The following KCNH1 variants were observed in gnomAD, a reference collection of about 807,000 sequenced individuals.
KCNH1 encodes voltage-gated delayed rectifier potassium channel KCNH1.
KCNH1 carries 27 observed loss-of-function variants against 69.2 expected under a neutral mutation model. That is an observed-to-expected ratio of 0.39 (90% CI 0.29 to 0.54). The LOEUF (loss-of-function observed/expected upper bound fraction) is 0.54. Among genes scored for constraint, KCNH1 ranks in the 20% least tolerant of loss-of-function variants. KCNH1 has a pLI of 0.68. For synonymous variants in KCNH1, 456 were observed against 487.7 expected (o/e 0.93, Z 0.86); for missense variants, 798 against 1,261.6 (o/e 0.63, Z 5.57).
chr1:210,766,788 C>T (rs1341544122), intron 10 of KCNH1, among the ~76,000 whole-genome samples: 1 of 152,212 alleles, frequency 6.6e-6, no homozygotes, highest in Non-Finnish European at 1.5e-5. Context: ...CTCTGACATA[C>T]ATTATACCAG....
chr1:211,079,652 G>C (rs1360831717), intron 5 of KCNH1, among the ~76,000 whole-genome samples: 1 of 152,162 alleles, frequency 6.6e-6, no homozygotes, highest in Non-Finnish European at 1.5e-5. Context: ...GGGATGCAAG[G>C]CTGGTTCAAC....
rs188297888 is a variant in KCNH1 at position 210,888,099 on chromosome 1, A to G, written c.1462+31541T>C. 2.9e-4 allele frequency among the ~76,000 whole-genome samples: 44 copies of G among 152,298 alleles called. No homozygotes were observed. In the East Asian group the frequency reaches 8.1e-3, roughly 28 times the overall value. Reference sequence around the variant, plus strand: ...GAACTCTCCAACCCAAATCAACAGAATATACATTCTTCTCAGCACCACATC... The same window carrying G: ...GAACTCTCCAACCCAAATCAACAGAGTATACATTCTTCTCAGCACCACATC... On this transcript the variant is annotated intron_variant, in intron 7 of 10. Coordinates refer to ENST00000271751, the MANE Select transcript of KCNH1 (RefSeq NM_172362.3).
intron 7 of KCNH1, among the ~76,000 whole-genome samples, chr1:210,839,948 C>T (rs1029937690): frequency 6.6e-6 from 1 of 152,102 alleles, no homozygotes; most frequent in African/African-American, 2.4e-5. Context: ...AGGAATGGCC[C>T]AGGACCAATA....
chr1:211,025,635 T>C (rs1401317516), intron 5 of KCNH1, among the ~76,000 whole-genome samples: 3 of 152,038 alleles, frequency 2.0e-5, no homozygotes, highest in Non-Finnish European at 2.9e-5. Flanking sequence ...AAACCCCTCA[T>C]GGCCTTTGGA....
chr1:210,683,644 T>A lies in KCNH1; in HGVS notation c.2607A>T (p.Ser869=), dbSNP rs1347375223. 1.2e-6 allele frequency: 2 copies of A among 1,614,122 alleles called. No individual in the cohort carries two copies. The highest frequency in any genetic ancestry group is 1.7e-6 in the Non-Finnish European group (2 of 1,180,054). ...CTGTCTTCTTCAGTGTGGCCTCGCC[T>A]GACGCTTTTGTCCTCTCGGGAAGTG... is the stretch of plus-strand genomic sequence containing the variant. ...METLPERTKA[S]GEATLKKTDS... is the part of the protein sequence containing the mutation. The change falls in exon 11 of 11, where the codon TCA becomes TCT. Residue 869 remains serine (S), a synonymous_variant. Transcript: ENST00000271751. This position sits in a 1 kb window ranked among gnomAD's most constrained non-coding sequence, Gnocchi z 5.7.
At position 211,113,422 on chromosome 1, in the gene KCNH1, C is replaced by T. The variant is rs150581968; in HGVS notation, c.80-6045G>A. On this transcript the variant is annotated intron_variant, in intron 1 of 10. Transcript: ENST00000271751. ...TTTGATGTGAGTAGAAGTCATTGTC[C>T]CACTTCTAAATGCTTGGGTTCTCCT... Among the ~76,000 whole-genome samples the T allele has an allele frequency of 4.3e-3, 660 of 152,148 alleles. 7 individuals are homozygous for T. Among genetic ancestry groups the T allele is most frequent in the Admixed American group, 5.0e-3 (76 of 15,276 alleles).
intron 7 of KCNH1, among the ~76,000 whole-genome samples, chr1:210,883,472 G>C (rs1029125085): frequency 6.6e-6 from 1 of 152,150 alleles, no homozygotes; most frequent in African/African-American, 2.4e-5. Flanking sequence ...CTTCTTCATA[G>C]ACAAGGCACA....
intron 10 of KCNH1, among the ~76,000 whole-genome samples, chr1:210,711,046 A>T (rs1279404975): frequency 1.3e-5 from 2 of 152,222 alleles, no homozygotes; most frequent in African/African-American, 4.8e-5. Context: ...GGTCTGGTTC[A>T]GTCCACTGTG....
chr1:211,081,807 G>A (rs969081779), intron 5 of KCNH1, among the ~76,000 whole-genome samples: 16 of 152,150 alleles, frequency 1.1e-4, no homozygotes, highest in African/African-American at 2.9e-4. Flanking sequence ...ATCACACCCC[G>A]GGGCCTGTCA....
intron 6 of KCNH1, among the ~76,000 whole-genome samples, chr1:211,000,672 G>C (rs1016978676): frequency 4.6e-5 from 7 of 152,026 alleles, no homozygotes; most frequent in Admixed American, 2.0e-4. Flanking sequence ...CTTTAAAGTT[G>C]ATATGGAACA....
chr1:210,974,015 G>A (rs993926664), intron 6 of KCNH1, among the ~76,000 whole-genome samples: 3 of 152,046 alleles, frequency 2.0e-5, no homozygotes, highest in African/African-American at 4.8e-5. Flanking sequence ...CAGAGTATGA[G>A]TTTGTCAGTT....
chr1:211,106,842 C>T (rs1054165462), intron 2 of KCNH1, among the ~76,000 whole-genome samples: 2 of 152,120 alleles, frequency 1.3e-5, no homozygotes, highest in Non-Finnish European at 2.9e-5. Flanking sequence ...GAACAAGGCC[C>T]TTGTCTCCAA....
intron 10 of KCNH1, among the ~76,000 whole-genome samples, chr1:210,751,346 C>T (rs1272647558): frequency 6.6e-6 from 1 of 152,180 alleles, no homozygotes; most frequent in East Asian, 1.9e-4. Context: ...ACTAGATGCC[C>T]ATCCTCACAC....
At chr1:210,882,125 G>A (rs749053409) in intron 7 of KCNH1, among the ~76,000 whole-genome samples, 4 of 152,124 alleles carry the variant, frequency 2.6e-5, no homozygotes, top group Non-Finnish European at 5.9e-5. Context: ...GTGCATGGGT[G>A]GGGGTAAGAG....
chr1:210,718,282 A>AT (rs1558437830), intron 10 of KCNH1, among the ~76,000 whole-genome samples: 6 of 121,696 alleles, frequency 4.9e-5, no homozygotes, highest in Admixed American at 1.8e-4. Context: ...GTGCATATAA[A>AT]AATATGTGTA....
chr1:210,843,483 T>G (rs1685469551), intron 7 of KCNH1, among the ~76,000 whole-genome samples: 1 of 152,208 alleles, frequency 6.6e-6, no homozygotes, highest in Admixed American at 6.6e-5. Context: ...GCTGTAACAC[T>G]ACTCTGGTAT....
chr1:210,819,918 C>G (rs928092485), intron 7 of KCNH1, among the ~76,000 whole-genome samples: 6 of 152,200 alleles, frequency 3.9e-5, no homozygotes, highest in African/African-American at 1.4e-4. Context: ...AGTGGTCATG[C>G]CATGAAGACA....
chr1:210,788,536 A>G (rs1315924607), intron 9 of KCNH1, among the ~76,000 whole-genome samples: 2 of 152,126 alleles, frequency 1.3e-5, no homozygotes, highest in Admixed American at 6.5e-5. Flanking sequence ...ACTGTAAACC[A>G]ATTTTTAAAA....
intron 7 of KCNH1, among the ~76,000 whole-genome samples, chr1:210,812,207 C>A (rs1004974199): frequency 6.6e-6 from 1 of 152,128 alleles, no homozygotes; most frequent in African/African-American, 2.4e-5. Context: ...CATTGATCAC[C>A]TTTTCTGGAA....
Sources: allele counts gnomAD v4.1 joint callset (sites outside exome capture counted in the v4.1 genomes callset), GRCh38; gene constraint gnomAD v4.1.1; non-coding constraint Gnocchi (gnomAD v3.1); transcripts MANE v1.5; gene names NCBI Gene and HGNC (gene_info 2026-07-23, HGNC 2026-07-21).